The following SERINC5 variants were observed in gnomAD, a reference collection of about 807,000 sequenced individuals.
SERINC5 encodes the protein serine incorporator 5, also known as chromosome 5 open reading frame 12.
A neutral mutation model predicts 63.1 loss-of-function variants in SERINC5; 41 were observed. The ratio of observed to expected loss-of-function variants is 0.65; its 90% confidence interval spans 0.51 to 0.84. The LOEUF (loss-of-function observed/expected upper bound fraction) is 0.84. Among genes scored for constraint, SERINC5 ranks in the 40% least tolerant of loss-of-function variants. SERINC5 has a pLI of 0.00. For synonymous variants in SERINC5, 222 were observed against 215.2 expected, an observed-to-expected ratio of 1.03 and a Z score of -0.28; for missense variants, 523 against 573.0, an observed-to-expected ratio of 0.91 and a Z score of 0.89.
intron 11 of SERINC5, among the ~76,000 whole-genome samples, chr5:80,118,810 A>G (rs991347796): frequency 6.5e-4 from 88 of 136,360 alleles, no homozygotes; most frequent in African/African-American, 2.3e-3. Flanking sequence ...CAATCCACCC[A>G]CCTCGGCCTC....
At chr5:80,199,865 T>C (rs1383590778) in intron 2 of SERINC5, among the ~76,000 whole-genome samples, 1 of 152,148 alleles carries the variant, frequency 6.6e-6, no homozygotes, top group African/African-American at 2.4e-5. Flanking sequence ...GCCACCTTAA[T>C]GGATTTAGAA....
chr5:80,138,546 A>G (rs1211654335), downstream of SERINC5, among the ~76,000 whole-genome samples: 1 of 151,976 alleles, frequency 6.6e-6, no homozygotes, highest in Non-Finnish European at 1.5e-5. Context: ...CAGTGAGCCG[A>G]GATCGCGCCA....
chr5:80,179,546 G>C (rs1188718800), intron 2 of SERINC5, among the ~76,000 whole-genome samples: 1 of 152,112 alleles, frequency 6.6e-6, no homozygotes, highest in African/African-American at 2.4e-5. Flanking sequence ...CACTGCACCT[G>C]TGCCATTATT....
rs1167390197 is a variant in SERINC5 at position 80,191,479 on chromosome 5, C to CAA, written c.195+11405_195+11406dup. Among the ~76,000 whole-genome samples, 251 of 38,498 alleles carry CAA rather than the reference C, an allele frequency of 6.5e-3. 3 individuals carry two copies. The highest frequency in any genetic ancestry group is 0.018 in the African/African-American group (226 of 12,220). 25.3% of individuals were successfully genotyped at this position (38,498 alleles called of 152,430 possible). ...GCAACATAGGGAGACTCCATCTCTACAAAAAAAAAAAAAAAAGAAAAAAAA... is the reference window on the plus strand; with the variant it reads ...GCAACATAGGGAGACTCCATCTCTACAAAAAAAAAAAAAAAAAAGAAAAAAAA... On this transcript the variant is annotated intron_variant, in intron 2 of 11. Transcript: ENST00000507668.
At chr5:80,235,322 G>A (rs771914445) in intron 1 of SERINC5, among the ~76,000 whole-genome samples, 5 of 151,948 alleles carry the variant, frequency 3.3e-5, no homozygotes, top group South Asian at 2.1e-4. Context: ...TCTTTTTAAC[G>A]GCAACATATT....
At chr5:80,163,850 GGT>G (rs1469346647) in intron 7 of SERINC5, among the ~76,000 whole-genome samples, 1 of 152,020 alleles carries the variant, frequency 6.6e-6, no homozygotes, top group Non-Finnish European at 1.5e-5. Context: ...GTCCTTGTCT[GGT>G]TTTGGTTTTC....
chr5:80,156,524 T>C lies in SERINC5; in HGVS notation c.986+2312A>G, dbSNP rs116004096. ...CACAGAGTGTGCTCTTGCCTACAGA[T>C]TACAGAAGTACGCTACAGAGCAGAG... On this transcript the variant is annotated intron_variant, in intron 8 of 11. Coordinates refer to ENST00000507668, the MANE Select transcript of SERINC5 (RefSeq NM_001174072.3). Among the ~76,000 whole-genome samples, 336 of 152,306 alleles carry C rather than the reference T, an allele frequency of 2.2e-3. 3 individuals carry two copies. Among genetic ancestry groups the C allele is most frequent in the African/African-American group, 7.4e-3 (309 of 41,568 alleles).
chr5:80,190,053 C>T (rs1749084654), intron 2 of SERINC5, among the ~76,000 whole-genome samples: 1 of 151,354 alleles, frequency 6.6e-6, no homozygotes, highest in Non-Finnish European at 1.5e-5. Context: ...GACCTGAACG[C>T]AGTGGTAATA....
rs1028723625 is a variant in SERINC5, at chr5:80,142,216, G to C, written c.*1447C>G. The C allele has an allele frequency of 7.1e-6, 7 of 984,890 alleles. No individual in the cohort carries two copies. The highest frequency in any genetic ancestry group is 6.0e-6 in the Non-Finnish European group (5 of 829,808). 61.0% of individuals were successfully genotyped at this position (984,890 alleles called of 1,614,324 possible). On this transcript the variant is annotated 3_prime_UTR_variant, in exon 12 of 12. Transcript: ENST00000507668. Reference sequence around the variant, plus strand: ...CCTGAATACATCAACACTGAAAATAGGCATCATCTTGGGTAGCTGCCGAAA... The same window carrying C: ...CCTGAATACATCAACACTGAAAATACGCATCATCTTGGGTAGCTGCCGAAA...
chr5:80,140,132 C>T lies in SERINC5; in HGVS notation c.*3531G>A, dbSNP rs1745413466. ...ATTGCTTGAGCTCAGGAGTTTGAGA[C>T]CAGCCTGGACAACCCCATCTCTACA... On this transcript the variant is annotated 3_prime_UTR_variant, in exon 12 of 12. Transcript: ENST00000507668. The T allele has an allele frequency of 2.1e-5, 17 of 826,146 alleles. No individual in the cohort carries two copies. The highest frequency in any genetic ancestry group is 2.5e-5 in the Non-Finnish European group (17 of 685,204). The allele number at this position is 826,146 out of a possible 1,614,324, so 51.2% of individuals were successfully genotyped here.
At chr5:80,236,173 TACA>T (rs1751677757) in intron 1 of SERINC5, among the ~76,000 whole-genome samples, 1 of 152,146 alleles carries the variant, frequency 6.6e-6, no homozygotes, top group Non-Finnish European at 1.5e-5. Flanking sequence ...TCCCCAAAAC[TACA>T]ACATCTAACA....
intron 2 of SERINC5, among the ~76,000 whole-genome samples, chr5:80,196,806 A>T (rs1338194984): frequency 6.6e-6 from 1 of 151,486 alleles, no homozygotes; most frequent in Non-Finnish European, 1.5e-5. Flanking sequence ...CGGGCCTGGT[A>T]GTGCGCGCCT....
At chr5:80,204,672 T>C (rs1404724845) in intron 1 of SERINC5, among the ~76,000 whole-genome samples, 1 of 152,150 alleles carries the variant, frequency 6.6e-6, no homozygotes. Flanking sequence ...AAAAGATTTC[T>C]ACAATCAGCT....
At chr5:80,116,948 C>T (rs751295937) in intron 11 of SERINC5, among the ~76,000 whole-genome samples, 4 of 151,982 alleles carry the variant, frequency 2.6e-5, no homozygotes, top group Non-Finnish European at 5.9e-5. Flanking sequence ...CCTGCCTCAG[C>T]CTCCCAAGTA....
At chr5:80,190,716 C>T (rs944708473) in intron 2 of SERINC5, among the ~76,000 whole-genome samples, 9 of 152,204 alleles carry the variant, frequency 5.9e-5, no homozygotes, top group African/African-American at 1.9e-4. Context: ...TTAGGCAGGA[C>T]ATTAGGACCT....
intron 1 of SERINC5, among the ~76,000 whole-genome samples, chr5:80,222,284 C>T (rs961817875): frequency 7.2e-5 from 11 of 152,136 alleles, no homozygotes; most frequent in Admixed American, 1.3e-4. Flanking sequence ...AGAAGAATCA[C>T]CCCCACTTTG....
At chr5:80,243,149 G>C (rs1329107124) in intron 1 of SERINC5, among the ~76,000 whole-genome samples, 1 of 152,150 alleles carries the variant, frequency 6.6e-6, no homozygotes, top group Non-Finnish European at 1.5e-5. Context: ...AAGTTCAAGA[G>C]TCCCAGGGGG....
intron 12 of SERINC5, among the ~76,000 whole-genome samples, chr5:80,113,384 C>T (rs1227510904): frequency 1.3e-5 from 2 of 152,116 alleles, no homozygotes; most frequent in African/African-American, 2.4e-5. Flanking sequence ...TGTGGCTGAA[C>T]ATTTTTTTCT....
chr5:80,208,184 G>A (rs181958874), intron 1 of SERINC5, among the ~76,000 whole-genome samples: 311 of 152,108 alleles, frequency 2.0e-3, no homozygotes, highest in Non-Finnish European at 3.5e-3. Flanking sequence ...ACGCCAAGAG[G>A]GAATGCTAAT....
Sources: gnomAD v4.1 joint callset for allele counts (sites outside exome capture counted in the v4.1 genomes callset) on GRCh38, gnomAD v4.1.1 for gene constraint, MANE v1.5 for transcripts, NCBI Gene and HGNC (gene_info 2026-07-23, HGNC 2026-07-21) for gene names.